The following ATP10A variants were observed in gnomAD, a reference collection of about 807,000 sequenced individuals.
The protein encoded by ATP10A is ATPase phospholipid transporting 10A (putative).
In ATP10A, 111 loss-of-function variants were observed where a neutral mutation model predicts 147.8. That is an observed-to-expected ratio of 0.75 (90% CI 0.64 to 0.88). The LOEUF (loss-of-function observed/expected upper bound fraction) is 0.88. ATP10A is among the 40% of genes least tolerant of loss of function. The pLI, the probability that ATP10A is intolerant of heterozygous loss-of-function variation, is 0.00. For missense variants in ATP10A, 1,927 were observed against 1,959.0 expected (o/e 0.98, Z 0.31); for synonymous variants, 875 against 841.6 (o/e 1.04, Z -0.69).
chr15:25,759,730 G>T (rs566787590), intron 2 of ATP10A, among the ~76,000 whole-genome samples: 1 of 151,608 alleles, frequency 6.6e-6, no homozygotes, highest in African/African-American at 2.4e-5. Context: ...AATCGCTTGA[G>T]CCTGGGAGGT....
intron 1 of ATP10A, among the ~76,000 whole-genome samples, chr15:25,794,911 G>A (rs745625974): frequency 5.3e-5 from 8 of 152,136 alleles, no homozygotes; most frequent in Non-Finnish European, 1.2e-4. Flanking sequence ...CCATTATCAG[G>A]ATGAAGAGGG....
intron 1 of ATP10A, among the ~76,000 whole-genome samples, chr15:25,822,864 C>A (rs1286716005): frequency 6.6e-6 from 1 of 152,080 alleles, no homozygotes; most frequent in Non-Finnish European, 1.5e-5. Context: ...CTAATTTCAA[C>A]CTAAAATAAA....
At chr15:25,810,348 C>T (rs562862824) in intron 1 of ATP10A, among the ~76,000 whole-genome samples, 1 of 152,324 alleles carries the variant, frequency 6.6e-6, no homozygotes, top group Admixed American at 6.5e-5. Context: ...CTACCGGGAC[C>T]AAGCCCTAGG....
intron 2 of ATP10A, among the ~76,000 whole-genome samples, chr15:25,757,645 T>A (rs1888494451): frequency 6.6e-6 from 1 of 152,144 alleles, no homozygotes; most frequent in Non-Finnish European, 1.5e-5. Context: ...TGGTAAAAAA[T>A]TAAAAAGTTG....
At chr15:25,834,183 T>A in intron 1 of ATP10A, among the ~76,000 whole-genome samples, 1 of 152,162 alleles carries the variant, frequency 6.6e-6, no homozygotes, top group East Asian at 1.9e-4. Flanking sequence ...AATAATAATT[T>A]AAAAAGTCTG....
intron 1 of ATP10A, among the ~76,000 whole-genome samples, chr15:25,794,557 AAT>A (rs1890576187): frequency 6.6e-6 from 1 of 152,214 alleles, no homozygotes; most frequent in Non-Finnish European, 1.5e-5. Flanking sequence ...CATGGATCAA[AAT>A]ATACCATGGA....
At chr15:25,784,847 G>A (rs998271937) in intron 1 of ATP10A, among the ~76,000 whole-genome samples, 6 of 152,014 alleles carry the variant, frequency 3.9e-5, no homozygotes, top group Non-Finnish European at 5.9e-5. Context: ...GCTTGAACCC[G>A]GGAGGTGGAG....
At chr15:25,858,747 ACAGAGCC>A (rs1290344202) in intron 1 of ATP10A, among the ~76,000 whole-genome samples, 1 of 152,174 alleles carries the variant, frequency 6.6e-6, no homozygotes, top group Non-Finnish European at 1.5e-5. Context: ...AGACCCAAGC[ACAGAGCC>A]CAGAAGATTC....
intron 15 of ATP10A, among the ~76,000 whole-genome samples, chr15:25,691,328 C>T (rs1249169869): frequency 6.6e-6 from 1 of 152,162 alleles, no homozygotes; most frequent in African/African-American, 2.4e-5. Context: ...TGACGCCAGG[C>T]TCCACCTACA....
At chr15:25,745,032 A>T (rs1366328942) in intron 2 of ATP10A, among the ~76,000 whole-genome samples, 1 of 152,218 alleles carries the variant, frequency 6.6e-6, no homozygotes, top group African/African-American at 2.4e-5. Context: ...TAAACTCTTA[A>T]AGGGAAATTG....
intron 1 of ATP10A, among the ~76,000 whole-genome samples, chr15:25,803,093 G>A (rs1013118622): frequency 2.6e-5 from 4 of 152,210 alleles, no homozygotes; most frequent in Non-Finnish European, 4.4e-5. Context: ...TGGCAAATCC[G>A]GGTCACGAGG....
Position 25,766,399 on chromosome 15 carries a change from G to A in ATP10A, c.654+14620C>T, listed in dbSNP as rs140831678. On this transcript the variant is annotated intron_variant, in intron 2 of 20. Transcript: ENST00000555815. ...CAAAGCTCACTCTCCATGCCATGCT[G>A]TAGCCTGCCTGTATAATCAAGTGTC... 7.2e-4 allele frequency among the ~76,000 whole-genome samples: 110 copies of A among 152,240 alleles called. 2 individuals are homozygous for A. In the East Asian group the frequency reaches 0.02, roughly 28 times the overall value.
intron 10 of ATP10A, among the ~76,000 whole-genome samples, chr15:25,712,549 G>A (rs1175587201): frequency 6.6e-6 from 1 of 151,968 alleles, no homozygotes; most frequent in Non-Finnish European, 1.5e-5. Flanking sequence ...TTTTTTTGCT[G>A]TAGAATGAAA....
intron 2 of ATP10A, among the ~76,000 whole-genome samples, chr15:25,756,964 T>A (rs1226644302): frequency 6.6e-6 from 1 of 152,214 alleles, no homozygotes; most frequent in African/African-American, 2.4e-5. Flanking sequence ...ACAGCTCAAA[T>A]ATAACTGTTA....
rs1187314872 is a variant in ATP10A at position 25,686,411 on chromosome 15, AG to A, written c.3291+1291del. Among the ~76,000 whole-genome samples, 11 of 106,304 alleles carry A rather than the reference AG, an allele frequency of 1.0e-4. 3 individuals carry two copies. Among genetic ancestry groups the A allele is most frequent in the Admixed American group, 2.7e-4 (3 of 11,008 alleles). 69.7% of individuals were successfully genotyped at this position (106,304 alleles called of 152,430 possible). On this transcript the variant is annotated intron_variant, in intron 16 of 20. Coordinates refer to ENST00000555815, the MANE Select transcript of ATP10A (RefSeq NM_024490.4). ...TGAGGCTGGAAGATCACTTGAGCCC[AG>A]GAAGTTGAGGCTGCAGTAAGCTATG...
chr15:25,683,167 G>C, intron 17 of ATP10A, 119 bp downstream of exon 17: 1 of 945,126 alleles, frequency 1.1e-6, no homozygotes, highest in East Asian at 2.5e-5. Flanking sequence ...GTGAATTCTA[G>C]AATTTCAGTT....
intron 6 of ATP10A, among the ~76,000 whole-genome samples, chr15:25,722,883 T>C (rs1567333163): frequency 6.6e-6 from 1 of 152,166 alleles, no homozygotes; most frequent in Non-Finnish European, 1.5e-5. Context: ...TGGGCATAGA[T>C]AGCCAGGCAT....
intron 12 of ATP10A, among the ~76,000 whole-genome samples, chr15:25,703,583 A>C (rs1900798153): frequency 1.3e-5 from 2 of 152,230 alleles, no homozygotes; most frequent in African/African-American, 4.8e-5. Context: ...GAACAAACGA[A>C]CTAAGCCACC....
At chr15:25,765,180 G>C (rs978382175) in intron 2 of ATP10A, among the ~76,000 whole-genome samples, 2 of 152,276 alleles carry the variant, frequency 1.3e-5, no homozygotes, top group Non-Finnish European at 2.9e-5. Context: ...GGCGGGGCGG[G>C]GGTGTTGTGT....
Sources: allele counts gnomAD v4.1 joint callset (sites outside exome capture counted in the v4.1 genomes callset), GRCh38; gene constraint gnomAD v4.1.1; transcripts MANE v1.5; gene names NCBI Gene and HGNC (gene_info 2026-07-23, HGNC 2026-07-21).